ODAD2: variants seen among roughly 807,000 people sequenced by gnomAD.
ODAD2 encodes outer dynein arm docking complex subunit 2.
Under a neutral mutation model 106.8 loss-of-function variants are expected in ODAD2, and 89 were observed. That is an observed-to-expected ratio of 0.83 (90% confidence interval 0.70 to 0.99). The LOEUF (loss-of-function observed/expected upper bound fraction) is 0.99. Among genes scored for constraint, ODAD2 ranks in the 50% least tolerant of loss-of-function variants. The pLI, the probability that ODAD2 is intolerant of heterozygous loss-of-function variation, is 0.00. For missense variants in ODAD2, 1,168 were observed against 1,238.5 expected (o/e 0.94, Z 0.85); for synonymous variants, 404 against 436.2 (o/e 0.93, Z 0.92).
At chr10:27,975,313 C>T (rs1173546646) in intron 7 of ODAD2, among the ~76,000 whole-genome samples, 3 of 151,782 alleles carry the variant, frequency 2.0e-5, no homozygotes, top group Non-Finnish European at 4.4e-5. Context: ...GACATAAGCA[C>T]CAAAGTAAAG....
At chr10:27,882,215 AAGAAAG>A (rs1564461462) in intron 17 of ODAD2, among the ~76,000 whole-genome samples, 1 of 151,652 alleles carries the variant, frequency 6.6e-6, no homozygotes, top group Non-Finnish European at 1.5e-5. Flanking sequence ...GAAAGAAAGA[AAGAAAG>A]AAAGAAAGAA....
chr10:27,849,189 T>A (rs28398887), intron 19 of ODAD2, among the ~76,000 whole-genome samples: 6,806 of 152,254 alleles, frequency 0.045, 494 homozygotes, highest in African/African-American at 0.15. Context: ...TAAGAAAATG[T>A]GGCACATATA....
At chr10:27,825,452 C>T (rs1423299035) in intron 19 of ODAD2, among the ~76,000 whole-genome samples, 1 of 152,148 alleles carries the variant, frequency 6.6e-6, no homozygotes, top group Non-Finnish European at 1.5e-5. Flanking sequence ...TTAGAAATGG[C>T]CATGAGTCTT....
chr10:27,928,737 T>C (rs1350614745), intron 16 of ODAD2, among the ~76,000 whole-genome samples: 1 of 152,138 alleles, frequency 6.6e-6, no homozygotes, highest in African/African-American at 2.4e-5. Context: ...TGACTTTCAT[T>C]TTCTAGTTAT....
chr10:27,982,193 C>A (rs927159478), intron 6 of ODAD2, among the ~76,000 whole-genome samples: 89 of 152,132 alleles, frequency 5.9e-4, no homozygotes, highest in African/African-American at 2.1e-3. Flanking sequence ...ACACACATCA[C>A]ATAACTATAT....
At chr10:27,850,486 G>C (rs2133219137) in intron 19 of ODAD2, among the ~76,000 whole-genome samples, 1 of 151,310 alleles carries the variant, frequency 6.6e-6, no homozygotes, top group East Asian at 1.9e-4. Context: ...GAACGTGGGA[G>C]GCGGAGGTTG....
intron 16 of ODAD2, among the ~76,000 whole-genome samples, chr10:27,928,692 C>A (rs760126316): frequency 5.3e-5 from 8 of 152,088 alleles, no homozygotes; most frequent in Non-Finnish European, 1.2e-4. Flanking sequence ...GAGGCAAAAT[C>A]ATCTTATACA....
chr10:27,971,153 C>A lies in ODAD2; in HGVS notation c.1097G>T (p.Arg366Ile). 1.2e-6 allele frequency: 2 copies of A among 1,613,922 alleles called. No homozygotes were observed. Among genetic ancestry groups the A allele is most frequent in the Non-Finnish European group, 1.7e-6 (2 of 1,179,906 alleles). The change falls in exon 8 of 20, where the codon AGA (arginine) becomes ATA (isoleucine). Residue 366 changes from arginine to isoleucine, a missense_variant. By Grantham distance (97) the Arg-to-Ile change is moderately conservative (BLOSUM62 -3). Around this residue, in one of 3 missense-constraint regions of ODAD2, gnomAD observed 430 missense variants for 452.2 expected, o/e 0.95. Coordinates refer to ENST00000305242, the MANE Select transcript of ODAD2 (RefSeq NM_018076.5). ...INFWRNQMTKRWEPSLNWKTT... is the reference protein window; with the variant it reads ...INFWRNQMTKIWEPSLNWKTT... ...CTTCCAGTTTAAGCTTGGTTCCCATCTCTTGGTCATTTGATTCCTCCAAAA... is the reference window on the plus strand; with the variant it reads ...CTTCCAGTTTAAGCTTGGTTCCCATATCTTGGTCATTTGATTCCTCCAAAA...
intron 19 of ODAD2, among the ~76,000 whole-genome samples, chr10:27,849,366 C>G (rs1057294064): frequency 1.4e-5 from 2 of 145,108 alleles, no homozygotes; most frequent in Non-Finnish European, 3.0e-5. Context: ...AACACTTGGA[C>G]ACAGGAAGGG....
At position 27,944,978 on chromosome 10, in the gene ODAD2, GC is replaced by G; in HGVS notation, c.1387-17del. 1 of 1,613,636 alleles carries G rather than the reference GC, an allele frequency of 6.2e-7. No homozygotes were observed. Among genetic ancestry groups the G allele is most frequent in the African/African-American group, 1.3e-5 (1 of 75,050 alleles). ...GATTTCCTCCCTACAAAGATGCAAT[GC>G]CAGAGAAAGGTTAAGGAACACCGCA... On this transcript the variant is annotated splice_polypyrimidine_tract_variant and intron_variant, in intron 10 of 19. Coordinates refer to ENST00000305242, the MANE Select transcript of ODAD2 (RefSeq NM_018076.5).
chr10:27,955,696 G>GGTGTGTGTGTGT (rs56731384), intron 10 of ODAD2, among the ~76,000 whole-genome samples: 18 of 143,014 alleles, frequency 1.3e-4, no homozygotes, highest in Admixed American at 8.4e-4. Flanking sequence ...AACCAATTAA[G>GGTGTGTGTGTGT]GTGTGTGTGT....
intron 14 of ODAD2, among the ~76,000 whole-genome samples, chr10:27,939,571 A>G (rs1460405725): frequency 6.6e-6 from 1 of 152,020 alleles, no homozygotes; most frequent in East Asian, 1.9e-4. Context: ...CAAAAATACA[A>G]AAACAATTAG....
Position 27,822,332 on chromosome 10 carries a change from A to G in ODAD2, c.3022-9707T>C, listed in dbSNP as rs1836678080. Among the ~76,000 whole-genome samples, 3 of 152,220 alleles carry G rather than the reference A, an allele frequency of 2.0e-5. No homozygotes were observed. In the South Asian group the frequency reaches 6.2e-4, roughly 32 times the overall value. Reference sequence around the variant, plus strand: ...GTTTGACTTGACATTGTTTGGGTGAACACAGCCTAGAATCAGGAGTTTTAA... The same window carrying G: ...GTTTGACTTGACATTGTTTGGGTGAGCACAGCCTAGAATCAGGAGTTTTAA... On this transcript the variant is annotated intron_variant, in intron 19 of 19. Transcript: ENST00000305242.
chr10:27,924,187 A>G (rs747225248), intron 16 of ODAD2, among the ~76,000 whole-genome samples: 9 of 151,984 alleles, frequency 5.9e-5, no homozygotes, highest in Non-Finnish European at 1.3e-4. Context: ...ACTCTGATCA[A>G]AATGTAGTAT....
chr10:27,873,684 C>G (rs1841087292), intron 17 of ODAD2, among the ~76,000 whole-genome samples: 1 of 152,154 alleles, frequency 6.6e-6, no homozygotes, highest in Non-Finnish European at 1.5e-5. Context: ...GCTTCTTAAT[C>G]CTGAGTTCTA....
chr10:27,957,850 T>C (rs1847841934), intron 10 of ODAD2, among the ~76,000 whole-genome samples: 1 of 152,188 alleles, frequency 6.6e-6, no homozygotes, highest in South Asian at 2.1e-4. Flanking sequence ...ATCTTTTTTT[T>C]TCCAACAATC....
At chr10:27,850,438 C>T (rs1185050774) in intron 19 of ODAD2, among the ~76,000 whole-genome samples, 1 of 120,192 alleles carries the variant, frequency 8.3e-6, no homozygotes, top group Admixed American at 8.9e-5. Flanking sequence ...GAGCGAGACT[C>T]CGTCTCAAAA....
At chr10:27,891,599 G>A (rs927193345) in intron 17 of ODAD2, among the ~76,000 whole-genome samples, 1 of 151,880 alleles carries the variant, frequency 6.6e-6, no homozygotes, top group African/African-American at 2.4e-5. Flanking sequence ...TAAGGAAATG[G>A]TGATGATACA....
chr10:27,959,032 C>G, intron 10 of ODAD2: 1 of 1,296,510 alleles, frequency 7.7e-7, no homozygotes, highest in East Asian at 5.6e-5. Flanking sequence ...TCTCTTAATT[C>G]ATCTTCTGAA....
Sources: gnomAD v4.1 joint callset for allele counts (sites outside exome capture counted in the v4.1 genomes callset) on GRCh38, gnomAD v4.1.1 for gene constraint, gnomAD v4.1.1 regional missense constraint, MANE v1.5 for transcripts, NCBI Gene and HGNC (gene_info 2026-07-23, HGNC 2026-07-21) for gene names.